Variants in CCSER1 observed in about 807,000 individuals in gnomAD.
The protein encoded by CCSER1 is coiled-coil serine rich protein 1.
CCSER1 carries 41 observed loss-of-function variants against 82.0 expected under a neutral mutation model. The observed-to-expected ratio is 0.50, with a 90% CI of 0.39 to 0.65. The LOEUF (loss-of-function observed/expected upper bound fraction) is 0.65. Ranked by LOEUF, CCSER1 falls within the 30% of genes least tolerant of loss-of-function variation. The pLI is 0.00. For missense variants in CCSER1, 1,119 were observed against 1,064.2 expected, an observed-to-expected ratio of 1.05 and a Z score of -0.72; for synonymous variants, 414 against 383.9, an observed-to-expected ratio of 1.08 and a Z score of -0.92.
intron 10 of CCSER1, among the ~76,000 whole-genome samples, chr4:91,585,246 C>T (rs1763932480): frequency 6.6e-6 from 1 of 151,344 alleles, no homozygotes; most frequent in African/African-American, 2.4e-5. Context: ...GCCCAGGATG[C>T]CTTTCTGACT....
intron 10 of CCSER1, among the ~76,000 whole-genome samples, chr4:91,562,785 G>C (rs1028365347): frequency 6.6e-6 from 1 of 151,444 alleles, no homozygotes; most frequent in Non-Finnish European, 1.5e-5. Flanking sequence ...ATATTGTAAC[G>C]TATTTTATTT....
Position 90,628,087 on chromosome 4 carries a change from G to T in CCSER1, c.1787G>T (p.Arg596Leu), listed in dbSNP as rs371365258. 6.2e-7 allele frequency: 1 copy of T among 1,613,348 alleles called. No homozygotes were observed. Among genetic ancestry groups the T allele is most frequent in the Non-Finnish European group, 8.5e-7 (1 of 1,179,618 alleles). The change falls in exon 6 of 11, where the codon CGA (arginine) becomes CTA (leucine). Residue 596 changes from arginine to leucine, a missense_variant. Coordinates refer to ENST00000509176, the MANE Select transcript of CCSER1 (RefSeq NM_001145065.2). ...DQEARCSHIS[R>L]MPNSPSADWP... ...GAAGCCAGGTGTTCCCACATCAGCCGAATGCCCAACAGTCCATCTGCGGAT... is the reference window on the plus strand; with the variant it reads ...GAAGCCAGGTGTTCCCACATCAGCCTAATGCCCAACAGTCCATCTGCGGAT...
At chr4:90,585,079 C>A (rs1236701380) in intron 5 of CCSER1, among the ~76,000 whole-genome samples, 1 of 151,984 alleles carries the variant, frequency 6.6e-6, no homozygotes, top group African/African-American at 2.4e-5. Flanking sequence ...ATTGAGCAGA[C>A]CCTTAACCAA....
chr4:90,321,262 A>C (rs1484162994), intron 3 of CCSER1, among the ~76,000 whole-genome samples: 1 of 152,038 alleles, frequency 6.6e-6, no homozygotes, highest in Non-Finnish European at 1.5e-5. Flanking sequence ...TATTTCTGTG[A>C]CTTCAAATGT....
intron 8 of CCSER1, among the ~76,000 whole-genome samples, chr4:90,914,453 A>G (rs996400745): frequency 2.0e-5 from 3 of 152,212 alleles, no homozygotes; most frequent in Admixed American, 6.5e-5. Context: ...CAATGAGAAC[A>G]AAGACACAAC....
intron 5 of CCSER1, among the ~76,000 whole-genome samples, chr4:90,487,669 C>G (rs540159919): frequency 1.3e-5 from 2 of 152,072 alleles, no homozygotes; most frequent in Non-Finnish European, 2.9e-5. Flanking sequence ...TTGTTTGACA[C>G]GAAGTCTTGT....
At chr4:90,795,155 C>T (rs553355483) in intron 7 of CCSER1, among the ~76,000 whole-genome samples, 26 of 151,970 alleles carry the variant, frequency 1.7e-4, no homozygotes, top group South Asian at 1.5e-3. Flanking sequence ...GGCGTGGTTG[C>T]GGGCACCTGT....
chr4:90,929,916 T>C (rs2150278787), intron 9 of CCSER1, among the ~76,000 whole-genome samples: 1 of 152,322 alleles, frequency 6.6e-6, no homozygotes, highest in East Asian at 1.9e-4. Flanking sequence ...GGTTGATGTG[T>C]TAATTTGTTT....
chr4:91,439,454 C>A (rs1174373381), intron 10 of CCSER1, among the ~76,000 whole-genome samples: 1 of 152,126 alleles, frequency 6.6e-6, no homozygotes, highest in Admixed American at 6.5e-5. Context: ...CACCACCAGG[C>A]CTGCCCTAAA....
intron 6 of CCSER1, among the ~76,000 whole-genome samples, chr4:90,631,511 T>C (rs1657575671): frequency 6.6e-6 from 1 of 152,204 alleles, no homozygotes; most frequent in South Asian, 2.1e-4. Flanking sequence ...GAGATAGTAA[T>C]AGTGAGATCA....
At chr4:90,774,747 C>T (rs1299742270) in intron 7 of CCSER1, among the ~76,000 whole-genome samples, 3 of 151,986 alleles carry the variant, frequency 2.0e-5, no homozygotes, top group African/African-American at 4.8e-5. Flanking sequence ...TCCAGGCATG[C>T]TTGGTGATGA....
intron 10 of CCSER1, among the ~76,000 whole-genome samples, chr4:91,280,761 T>C (rs1742855041): frequency 6.6e-6 from 1 of 152,084 alleles, no homozygotes; most frequent in African/African-American, 2.4e-5. Flanking sequence ...GGAGACTGGG[T>C]TGCTGCCAAT....
At chr4:90,964,347 A>G (rs1734328069) in intron 9 of CCSER1, among the ~76,000 whole-genome samples, 1 of 152,062 alleles carries the variant, frequency 6.6e-6, no homozygotes, top group South Asian at 2.1e-4. Context: ...TAGAGAAAAT[A>G]AAAATTCTTT....
chr4:91,593,042 T>A (rs1317119360), intron 10 of CCSER1, among the ~76,000 whole-genome samples: 4,262 of 152,246 alleles, frequency 0.028, no homozygotes, highest in African/African-American at 0.095. Context: ...GTGATTGAAG[T>A]ATTTCTCCCC....
chr4:90,375,202 A>G (rs1207295532), intron 3 of CCSER1, among the ~76,000 whole-genome samples: 5 of 152,186 alleles, frequency 3.3e-5, no homozygotes, highest in African/African-American at 7.2e-5. Context: ...TTAGACTGAC[A>G]TGCTTCTAGA....
At chr4:90,474,123 G>T (rs1162877553) in intron 5 of CCSER1, among the ~76,000 whole-genome samples, 2 of 146,468 alleles carry the variant, frequency 1.4e-5, no homozygotes, top group African/African-American at 5.2e-5. Context: ...CCTGGTGACA[G>T]AGCAAGATTC....
intron 1 of CCSER1, among the ~76,000 whole-genome samples, chr4:90,267,587 A>G (rs111455166): frequency 0.049 from 7,389 of 152,208 alleles, 477 homozygotes; most frequent in African/African-American, 0.15. Flanking sequence ...AGTGGGGGTG[A>G]CCACAGGGGT....
At chr4:91,404,232 C>T (rs190330991) in intron 10 of CCSER1, among the ~76,000 whole-genome samples, 23 of 152,036 alleles carry the variant, frequency 1.5e-4, no homozygotes, top group East Asian at 7.7e-4. Flanking sequence ...TCTGTGTGAT[C>T]GGTGGTCATA....
At chr4:90,707,041 A>G (rs557153519) in intron 6 of CCSER1, among the ~76,000 whole-genome samples, 1 of 152,256 alleles carries the variant, frequency 6.6e-6, no homozygotes. Flanking sequence ...AATTTTTGGC[A>G]GGAAGCCCAT....
Sources: gnomAD v4.1 joint callset for allele counts (sites outside exome capture counted in the v4.1 genomes callset) on GRCh38, gnomAD v4.1.1 for gene constraint, MANE v1.5 for transcripts, NCBI Gene and HGNC (gene_info 2026-07-23, HGNC 2026-07-21) for gene names.